COPS8: variants seen among roughly 807,000 people sequenced by gnomAD.
COPS8 encodes the protein COP9 signalosome subunit 8.
Under a neutral mutation model 31.5 loss-of-function variants are expected in COPS8, and 11 were observed. That is an observed-to-expected ratio of 0.35 (90% CI 0.22 to 0.58). COPS8 has a LOEUF of 0.58. COPS8 is among the 20% of genes least tolerant of loss of function. COPS8 has a pLI of 0.83. For missense variants in COPS8, 215 were observed against 255.1 expected, an observed-to-expected ratio of 0.84 and a Z score of 1.07; for synonymous variants, 81 against 89.3, an observed-to-expected ratio of 0.91 and a Z score of 0.52.
At position 237,098,050 on chromosome 2, in the gene COPS8, C is replaced by A; in HGVS notation, c.*308C>A. 1 of 244,076 alleles carries A rather than the reference C, an allele frequency of 4.1e-6. No homozygotes were observed. The highest frequency in any genetic ancestry group is 8.0e-6 in the Non-Finnish European group (1 of 124,352). 15.1% of individuals were successfully genotyped at this position (244,076 alleles called of 1,614,324 possible). A position where few individuals can be genotyped will look rare whatever the true frequency, so the allele number is the denominator to read the frequency against. ...CTGTTTCATGTAGAATAGTGTTTGT[C>A]AACTGTCTTTTCTCTGTCCCAGCAC... is the stretch of plus-strand genomic sequence containing the variant. On this transcript the variant is annotated 3_prime_UTR_variant, in exon 8 of 8. Coordinates refer to ENST00000354371, the MANE Select transcript of COPS8 (RefSeq NM_006710.5).
intron 4 of COPS8, 83 bp from the exon 5 acceptor site, chr2:237,094,007 A>G: frequency 6.5e-7 from 1 of 1,537,562 alleles, no homozygotes; most frequent in Non-Finnish European, 8.8e-7. Flanking sequence ...AAACTAGACA[A>G]GGACAGTGGT....
chr2:237,097,580 G>A (rs1696828033), intron 7 of COPS8, 83 bp from the exon 8 acceptor site: 1 of 858,242 alleles, frequency 1.2e-6, no homozygotes, highest in Non-Finnish European at 1.9e-6. Flanking sequence ...AAAATTGAAG[G>A]CATTAGGGGA....
At chr2:237,086,147 C>T in intron 1 of COPS8, 105 bp downstream of exon 1, 1 of 1,102,168 alleles carries the variant, frequency 9.1e-7, no homozygotes, top group East Asian at 2.6e-5. Flanking sequence ...GCTTTGGGAG[C>T]TCACGGGGCG....
intron 2 of COPS8, among the ~76,000 whole-genome samples, chr2:237,088,216 A>G (rs900995148): frequency 1.3e-5 from 2 of 152,188 alleles, no homozygotes; most frequent in Non-Finnish European, 2.9e-5. Flanking sequence ...TCGGGAGAGA[A>G]GTGTTGTGTA....
intron 5 of COPS8, 125 bp downstream of exon 5, chr2:237,094,322 A>G: frequency 1.1e-6 from 1 of 882,176 alleles, no homozygotes. Flanking sequence ...GTGTTTTTTG[A>G]GAGGTGATAT....
rs1696680019 is a variant in COPS8 at position 237,090,100 on chromosome 2, G to A, written c.331+106G>A. On this transcript the variant is annotated intron_variant, in intron 4 of 7. Coordinates refer to ENST00000354371, the MANE Select transcript of COPS8 (RefSeq NM_006710.5). ...GGTGTGTGTTTAAGTAGATATTTTTGATAGGTGAAAAGAGCAGTTTTCAGA... is the reference window on the plus strand; with the variant it reads ...GGTGTGTGTTTAAGTAGATATTTTTAATAGGTGAAAAGAGCAGTTTTCAGA... The A allele has an allele frequency of 4.3e-6, 5 of 1,155,610 alleles. No individual in the cohort carries two copies. The South Asian group carries it at 8.4e-5, about 19-fold the overall frequency. The allele number at this position is 1,155,610 out of a possible 1,614,324, so 71.6% of individuals were successfully genotyped here.
Position 237,099,101 on chromosome 2 carries a change from T to C in COPS8, c.*1359T>C, listed in dbSNP as rs1238105197. ...AAGCAGATTAGAGTCAATCCAAATA[T>C]TCATTAATAGGGGATTGTTTGAATA... is the stretch of plus-strand genomic sequence containing the variant. On this transcript the variant is annotated 3_prime_UTR_variant, in exon 8 of 8. Transcript: ENST00000354371. 1 of 152,084 alleles carries C rather than the reference T, an allele frequency of 6.6e-6. No individual in the cohort carries two copies. Among genetic ancestry groups the C allele is most frequent in the Non-Finnish European group, 1.5e-5 (1 of 67,998 alleles). 9.4% of individuals were successfully genotyped at this position (152,084 alleles called of 1,614,324 possible). A position where few individuals can be genotyped will look rare whatever the true frequency, so the allele number is the denominator to read the frequency against.
At chr2:237,096,265 T>C (rs945159860) in intron 6 of COPS8, among the ~76,000 whole-genome samples, 4 of 152,218 alleles carry the variant, frequency 2.6e-5, no homozygotes, top group Non-Finnish European at 5.9e-5. Flanking sequence ...ACTCAAGTCA[T>C]ACAGGCACTT....
intron 4 of COPS8, among the ~76,000 whole-genome samples, chr2:237,093,508 CA>C (rs1044162975): frequency 1.5e-4 from 23 of 152,144 alleles, no homozygotes; most frequent in African/African-American, 5.6e-4. Context: ...ATGCCACTTT[CA>C]GGAAAGTTTT....
At chr2:237,091,239 G>A (rs1696701449) in intron 4 of COPS8, among the ~76,000 whole-genome samples, 1 of 152,192 alleles carries the variant, frequency 6.6e-6, no homozygotes, top group Admixed American at 6.5e-5. Context: ...ACCCAGGAAA[G>A]GCTATATAGC....
chr2:237,094,537 AT>A (rs770668232), intron 5 of COPS8, among the ~76,000 whole-genome samples: 1 of 152,024 alleles, frequency 6.6e-6, no homozygotes. Context: ...TTTCCCTGCC[AT>A]TTCTGACCCA....
intron 6 of COPS8, among the ~76,000 whole-genome samples, chr2:237,096,394 G>C (rs1209718090): frequency 6.6e-6 from 1 of 152,064 alleles, no homozygotes; most frequent in Admixed American, 6.6e-5. Flanking sequence ...TCTTCCTGTT[G>C]GAAGTGAGCC....
intron 1 of COPS8, 109 bp downstream of exon 1, chr2:237,086,151 C>A (rs1457111263): frequency 1.9e-6 from 2 of 1,057,894 alleles, no homozygotes; most frequent in Non-Finnish European, 2.9e-6. Flanking sequence ...TGGGAGCTCA[C>A]GGGGCGGGCG....
intron 3 of COPS8, 59 bp from the exon 4 acceptor site, chr2:237,089,803 T>A: frequency 6.6e-7 from 1 of 1,521,674 alleles, no homozygotes; most frequent in Non-Finnish European, 9.0e-7. Context: ...TGTTTTAAGA[T>A]ACAATCATTG....
intron 3 of COPS8, among the ~76,000 whole-genome samples, chr2:237,089,168 A>G (rs1163957071): frequency 6.6e-6 from 1 of 152,218 alleles, no homozygotes; most frequent in Admixed American, 6.5e-5. Context: ...TTAATGTCAA[A>G]TGATTCCATG....
At chr2:237,096,912 C>T in intron 7 of COPS8, 43 bp downstream of exon 7, 1 of 1,409,138 alleles carries the variant, frequency 7.1e-7, no homozygotes, top group Non-Finnish European at 9.9e-7. Context: ...CTCATTGTTC[C>T]TAATTTCTTT....
At chr2:237,086,552 A>G (rs1056432017) in intron 1 of COPS8, among the ~76,000 whole-genome samples, 7 of 152,204 alleles carry the variant, frequency 4.6e-5, no homozygotes, top group Admixed American at 2.0e-4. Flanking sequence ...CAGCTGTTAA[A>G]GTTAATGTTT....
chr2:237,096,704 C>A, intron 6 of COPS8, 118 bp from the exon 7 acceptor site: 1 of 754,630 alleles, frequency 1.3e-6, no homozygotes. Context: ...CAGTTGTTAT[C>A]CCTGTTTGAG....
chr2:237,088,508 C>T, intron 2 of COPS8, 97 bp from the exon 3 acceptor site: 2 of 785,564 alleles, frequency 2.5e-6, no homozygotes, highest in East Asian at 5.1e-5. Flanking sequence ...GTGAAGTATA[C>T]TTCTGTATGT....
Sources: gnomAD v4.1 joint callset for allele counts (sites outside exome capture counted in the v4.1 genomes callset) on GRCh38, gnomAD v4.1.1 for gene constraint, MANE v1.5 for transcripts, NCBI Gene and HGNC (gene_info 2026-07-23, HGNC 2026-07-21) for gene names.